The following DEPDC5 variants were observed in gnomAD, a reference collection of about 807,000 sequenced individuals.
DEPDC5 encodes the protein GATOR1 complex protein DEPDC5.
DEPDC5 carries 73 observed loss-of-function variants against 217.3 expected under a neutral mutation model. That is an observed-to-expected ratio of 0.34 (90% confidence interval 0.28 to 0.41). The LOEUF is 0.41. DEPDC5 is among the 10% of genes least tolerant of loss of function. The pLI, the probability that DEPDC5 is intolerant of heterozygous loss-of-function variation, is 1.00. For synonymous variants in DEPDC5, 733 were observed against 756.7 expected (o/e 0.97, Z 0.51); for missense variants, 1,675 against 2,070.1 (o/e 0.81, Z 3.70).
intron 38 of DEPDC5, among the ~76,000 whole-genome samples, chr22:31,881,734 T>C (rs1036458734): frequency 5.9e-5 from 9 of 151,618 alleles, no homozygotes; most frequent in Non-Finnish European, 1.5e-5. Context: ...TCACTTGAGG[T>C]CAGGAGTTTG....
chr22:31,861,851 C>T (rs1471193596), intron 33 of DEPDC5, among the ~76,000 whole-genome samples: 1 of 152,170 alleles, frequency 6.6e-6, no homozygotes, highest in African/African-American at 2.4e-5. Context: ...TGAAAAAACA[C>T]AGCAAATATT....
chr22:31,767,600 T>C (rs931636009), intron 6 of DEPDC5, among the ~76,000 whole-genome samples: 3 of 151,918 alleles, frequency 2.0e-5, no homozygotes, highest in Non-Finnish European at 4.4e-5. Context: ...CAGCTTTTTT[T>C]TTGTATTTTT....
At chr22:31,845,780 T>C (rs550311518) in intron 30 of DEPDC5, among the ~76,000 whole-genome samples, 1 of 152,090 alleles carries the variant, frequency 6.6e-6, no homozygotes, top group East Asian at 1.9e-4. Flanking sequence ...TGTGTGTGTG[T>C]GTACACAGGT....
chr22:31,849,779 TA>T (rs376585964), intron 31 of DEPDC5, among the ~76,000 whole-genome samples: 2,423 of 144,466 alleles, frequency 0.017, 17 homozygotes, highest in Middle Eastern at 0.032. Flanking sequence ...AGACTCCGTC[TA>T]AAAAAAAAAA....
At chr22:31,879,391 T>TA in intron 37 of DEPDC5, 134 bp from the exon 38 acceptor site, 1 of 772,324 alleles carries the variant, frequency 1.3e-6, no homozygotes, top group Non-Finnish European at 2.1e-6. Flanking sequence ...TAAATGGAAC[T>TA]ATACAGTATG....
rs2086539261 is a variant in DEPDC5 at position 31,798,739 on chromosome 22, A to G, written c.946+83A>G. On this transcript the variant is annotated intron_variant, in intron 14 of 42. Transcript: ENST00000651528. ...GGAAAGGTGTCCTGATCCAGACCCTAAGAGAAGGTTCTTGGATCTTGCAGA... is the reference window on the plus strand; with the variant it reads ...GGAAAGGTGTCCTGATCCAGACCCTGAGAGAAGGTTCTTGGATCTTGCAGA... The G allele has an allele frequency of 3.0e-6, 4 of 1,355,546 alleles. No individual in the cohort carries two copies. In the South Asian group the frequency reaches 3.7e-5, roughly 12 times the overall value. 84.0% of individuals were successfully genotyped at this position (1,355,546 alleles called of 1,614,324 possible).
chr22:31,763,842 C>CAGTAAAAAA (rs1159558827), intron 4 of DEPDC5, among the ~76,000 whole-genome samples: 2 of 151,338 alleles, frequency 1.3e-5, no homozygotes, highest in Non-Finnish European at 2.9e-5. Context: ...CTGCAAGGAG[C>CAGTAAAAAA]AGTAAAAAAA....
At chr22:31,839,623 G>A (rs926955744) in intron 27 of DEPDC5, among the ~76,000 whole-genome samples, 1 of 146,836 alleles carries the variant, frequency 6.8e-6, no homozygotes, top group Non-Finnish European at 1.5e-5. Flanking sequence ...TGGAGCATGC[G>A]GTCATCCAGT....
chr22:31,754,575 A>G (rs1163100195), intron 1 of DEPDC5, among the ~76,000 whole-genome samples: 3 of 150,926 alleles, frequency 2.0e-5, no homozygotes, highest in African/African-American at 7.3e-5. Flanking sequence ...AGATGGAGAC[A>G]AGGTGATGAG....
intron 31 of DEPDC5, among the ~76,000 whole-genome samples, chr22:31,847,445 G>A (rs972804822): frequency 6.6e-6 from 1 of 152,066 alleles, no homozygotes; most frequent in African/African-American, 2.4e-5. Context: ...ATGAAGGAAA[G>A]AAGTTTAATC....
chr22:31,846,883 A>C lies in DEPDC5; in HGVS notation c.3071A>C (p.His1024Pro), dbSNP rs779166833. The C allele has an allele frequency of 1.2e-6, 2 of 1,614,062 alleles. No homozygotes were observed. The highest frequency in any genetic ancestry group is 2.7e-5 in the African/African-American group (2 of 74,926). Residue 1024 changes from histidine to proline, a missense_variant, in exon 31 of 43, where the codon CAT becomes CCT. By Grantham distance (77) the His-to-Pro change is moderately conservative (BLOSUM62 -2). Around this residue, in one of 11 missense-constraint regions of DEPDC5, gnomAD observed 293 missense variants for 386.1 expected, o/e 0.76. Transcript: ENST00000651528. ...CAGATGACTGGGCCCATTTCCACGC[A>C]TTCTCTGGAGTCAACTGCACCCCCA... ...GLQMTGPIST[H>P]SLESTAPPVG...
intron 31 of DEPDC5, among the ~76,000 whole-genome samples, chr22:31,854,739 A>G (rs5994436): frequency 0.11 from 17,352 of 152,144 alleles, 1,032 homozygotes; most frequent in Admixed American, 0.15. Flanking sequence ...CCTTGATGTA[A>G]CTTCTGCTTC....
chr22:31,836,803 C>G, intron 25 of DEPDC5, 169 bp from the exon 26 acceptor site: 4 of 615,862 alleles, frequency 6.5e-6, no homozygotes, highest in Non-Finnish European at 8.6e-6. Flanking sequence ...AACTCTGTTT[C>G]TCTCTCTTTC....
At position 31,838,799 on chromosome 22, in the gene DEPDC5, T is replaced by G. The variant is rs1313546172; in HGVS notation, c.2469T>G (p.Asn823Lys). 1 of 1,614,118 alleles carries G rather than the reference T, an allele frequency of 6.2e-7. No homozygotes were observed. The highest frequency in any genetic ancestry group is 1.7e-5 in the Admixed American group (1 of 60,020). ...IIVQPKTQKP[N>K]PAVPPPLSSS... ...TGCAGCCCAAGACACAGAAACCCAA[T>G]CCTGCTGTCCCGCCCCCGCTGAGCA... The change falls in exon 27 of 43, where the codon AAT (asparagine) becomes AAG (lysine). Residue 823 changes from asparagine to lysine, a missense_variant. Physicochemically the swap from Asn to Lys is moderately conservative, Grantham distance 94 (BLOSUM62 0). Around this residue, in one of 11 missense-constraint regions of DEPDC5, gnomAD observed 293 missense variants for 386.1 expected, o/e 0.76. Coordinates refer to ENST00000651528, the MANE Select transcript of DEPDC5 (RefSeq NM_001242896.3).
At chr22:31,795,236 A>AT (rs1325851214) in intron 12 of DEPDC5, among the ~76,000 whole-genome samples, 2 of 151,464 alleles carry the variant, frequency 1.3e-5, no homozygotes, top group East Asian at 3.9e-4. Context: ...CACCTGGCTA[A>AT]TTTTTTTATT....
chr22:31,796,554 A>G (rs1018383764), intron 12 of DEPDC5, among the ~76,000 whole-genome samples: 1 of 152,174 alleles, frequency 6.6e-6, no homozygotes, highest in Admixed American at 6.5e-5. Flanking sequence ...TTTATGATAA[A>G]TTGCCAGAAA....
chr22:31,781,494 G>A (rs1411171263), intron 8 of DEPDC5, among the ~76,000 whole-genome samples: 7 of 151,832 alleles, frequency 4.6e-5, no homozygotes, highest in South Asian at 2.1e-4. Context: ...GTGCAGTGGC[G>A]TGATCTCGGC....
At chr22:31,904,409 T>C (rs1680227071) in intron 41 of DEPDC5, among the ~76,000 whole-genome samples, 1 of 152,122 alleles carries the variant, frequency 6.6e-6, no homozygotes, top group African/African-American at 2.4e-5. Flanking sequence ...AAAATCAGGC[T>C]GATCCATGCT....
At chr22:31,830,987 G>A (rs371523905) in intron 24 of DEPDC5, 8 of 150,598 alleles carry the variant, frequency 5.3e-5, no homozygotes, top group African/African-American at 1.5e-4. Flanking sequence ...AATCCACCTC[G>A]TTGCTTCTTT....
Sources: gnomAD v4.1 joint callset for allele counts (sites outside exome capture counted in the v4.1 genomes callset) on GRCh38, gnomAD v4.1.1 for gene constraint, gnomAD v4.1.1 regional missense constraint, MANE v1.5 for transcripts, NCBI Gene and HGNC (gene_info 2026-07-23, HGNC 2026-07-21) for gene names.